PSMD2: variants seen among roughly 807,000 people sequenced by gnomAD.
PSMD2 encodes the protein 26S proteasome non-ATPase regulatory subunit 2.
In PSMD2, 8 loss-of-function variants were observed where a neutral mutation model predicts 101.5. The observed-to-expected ratio is 0.08, with a 90% CI of 0.05 to 0.14. The LOEUF is 0.14. PSMD2 is among the 10% of genes least tolerant of loss of function. The pLI is 1.00. For missense variants in PSMD2, 784 were observed against 1,147.4 expected (o/e 0.68, Z 4.58); for synonymous variants, 418 against 433.8 (o/e 0.96, Z 0.45).
intron 1 of PSMD2, 145 bp downstream of exon 1, chr3:184,299,546 C>A: frequency 9.1e-7 from 1 of 1,097,688 alleles, no homozygotes; most frequent in Non-Finnish European, 1.2e-6. Context: ...GGCACCTTGC[C>A]TCTCTGCTCC....
In PSMD2 at chr3:184,308,252, C is replaced by A. The variant is rs769466584; in HGVS notation, c.2426-197C>A. Reference sequence around the variant, plus strand: ...CTGCTCCTAAGTCACTGGGGAAATGCGATTTTCAAGTCTAAGGGCTGTAAG... The same window carrying A: ...CTGCTCCTAAGTCACTGGGGAAATGAGATTTTCAAGTCTAAGGGCTGTAAG... On this transcript the variant is annotated intron_variant, in intron 19 of 20. Transcript: ENST00000310118. The surrounding 1 kb of genome is among the most constrained non-coding windows in gnomAD (Gnocchi z 6.0). Among the ~76,000 whole-genome samples, 3 of 152,122 alleles carry A rather than the reference C, an allele frequency of 2.0e-5. No homozygotes were observed. The highest frequency in any genetic ancestry group is 1.3e-4 in the Admixed American group (2 of 15,272).
At position 184,303,936 on chromosome 3, in the gene PSMD2, G is replaced by T. The variant is rs774968324; in HGVS notation, c.1324-11G>T. The T allele has an allele frequency of 4.3e-6, 7 of 1,614,230 alleles. No individual in the cohort carries two copies. In the Middle Eastern group the frequency reaches 4.9e-4, roughly 114 times the overall value. On this transcript the variant is annotated splice_polypyrimidine_tract_variant and intron_variant, in intron 10 of 20. Coordinates refer to ENST00000310118, the MANE Select transcript of PSMD2 (RefSeq NM_002808.5). ...AGTATCCTGAGTGAAGAATCTGTTT[G>T]CTCTTTGTAGTCAGGAGCTCTTCTT...
Position 184,306,415 on chromosome 3 carries a change from GAGA to G in PSMD2, c.1873_1875del (p.Lys625del), listed in dbSNP as rs1489600746. The G allele has an allele frequency of 3.1e-6, 5 of 1,614,190 alleles. No homozygotes were observed. The highest frequency in any genetic ancestry group is 4.2e-6 in the Non-Finnish European group (5 of 1,180,030). ...TTGTAGCGAACACTTTGACTCCAAA[GAGA>G]AGGAGGAAGACAAAGACAAGAAGGA... On this transcript the variant is annotated inframe_deletion, in exon 15 of 21. Coordinates refer to ENST00000310118, the MANE Select transcript of PSMD2 (RefSeq NM_002808.5).
In PSMD2 at chr3:184,308,344, G is replaced by A. The variant is rs760260203; in HGVS notation, c.2426-105G>A. 8.8e-5 allele frequency: 83 copies of A among 943,390 alleles called. No homozygotes were observed. The highest frequency in any genetic ancestry group is 1.2e-4 in the Non-Finnish European group (73 of 621,238). The allele number at this position is 943,390 out of a possible 1,614,324, so 58.4% of individuals were successfully genotyped here. Reference sequence around the variant, plus strand: ...TGAGGGGAGGAGTGTGGATTCAGTCGTATGACTGACGGGTTAAAGGGTCAG... The same window carrying A: ...TGAGGGGAGGAGTGTGGATTCAGTCATATGACTGACGGGTTAAAGGGTCAG... On this transcript the variant is annotated intron_variant, in intron 19 of 20. Coordinates refer to ENST00000310118, the MANE Select transcript of PSMD2 (RefSeq NM_002808.5). The surrounding 1 kb of genome is among the most constrained non-coding windows in gnomAD (Gnocchi z 6.0).
intron 5 of PSMD2, 143 bp from the exon 6 acceptor site, chr3:184,302,227 T>C: frequency 8.7e-7 from 1 of 1,154,228 alleles, no homozygotes; most frequent in Non-Finnish European, 1.2e-6. Flanking sequence ...GACAGAGACT[T>C]TGTGTCTTCT....
chr3:184,304,250 T>C lies in PSMD2; in HGVS notation c.1452-54T>C, dbSNP rs548121409. 5 of 1,582,168 alleles carry C rather than the reference T, an allele frequency of 3.2e-6. No individual in the cohort carries two copies. The highest frequency in any genetic ancestry group is 1.7e-4 in the Middle Eastern group (1 of 6,012). On this transcript the variant is annotated intron_variant, in intron 11 of 20. Transcript: ENST00000310118. The surrounding 1 kb of genome is among the most constrained non-coding windows in gnomAD (Gnocchi z 4.1). The stretch of plus-strand genomic sequence containing the variant: ...ATGACCGATTCTCCTTTTGTTCTTT[T>C]CTTGCTGCATCGTTGGGTATGTGTT...
chr3:184,303,513 C>A, intron 9 of PSMD2, 47 bp downstream of exon 9: 1 of 1,608,294 alleles, frequency 6.2e-7, no homozygotes, highest in Non-Finnish European at 8.5e-7. Flanking sequence ...TTGATCACTT[C>A]TTTTGTCCTC....
At chr3:184,303,188 A>C (rs1388224156) in intron 8 of PSMD2, 126 bp downstream of exon 8, 1 of 1,498,874 alleles carries the variant, frequency 6.7e-7, no homozygotes, top group Non-Finnish European at 9.2e-7. Context: ...TTTTCAGGTC[A>C]CTGCTTGGGG....
At chr3:184,301,452 G>A (rs1316286540) in intron 3 of PSMD2, 85 bp from the exon 4 acceptor site, 16 of 1,524,258 alleles carry the variant, frequency 1.0e-5, no homozygotes, top group African/African-American at 1.4e-5. Flanking sequence ...GTTCAGTTTC[G>A]GAGACAATGA....
Position 184,304,227 on chromosome 3 carries a change from G to C in PSMD2, c.1452-77G>C. ...ATGTTTGTTGAAATGGTGAATGAAT[G>C]ACCGATTCTCCTTTTGTTCTTTTCT... is the stretch of plus-strand genomic sequence containing the variant. On this transcript the variant is annotated intron_variant, in intron 11 of 20. Coordinates refer to ENST00000310118, the MANE Select transcript of PSMD2 (RefSeq NM_002808.5). The surrounding 1 kb of genome is among the most constrained non-coding windows in gnomAD (Gnocchi z 4.1). 1 of 1,557,040 alleles carries C rather than the reference G, an allele frequency of 6.4e-7. No individual in the cohort carries two copies.
intron 6 of PSMD2, 31 bp from the exon 7 acceptor site, chr3:184,302,648 T>A: frequency 6.2e-7 from 1 of 1,613,772 alleles, no homozygotes; most frequent in South Asian, 1.1e-5. Context: ...TAGTGGACAG[T>A]GATGAGCAGA....
chr3:184,299,470 A>G (rs954905942), intron 1 of PSMD2, 69 bp downstream of exon 1: 1 of 1,310,206 alleles, frequency 7.6e-7, no homozygotes, highest in Non-Finnish European at 9.7e-7. Context: ...CGCAGGCCTC[A>G]GGCCCGACAC....
In PSMD2 at chr3:184,308,141, AC is replaced by A; in HGVS notation, c.2425+126del. The A allele has an allele frequency of 3.8e-6, 5 of 1,307,632 alleles. No individual in the cohort carries two copies. Among genetic ancestry groups the A allele is most frequent in the Non-Finnish European group, 5.2e-6 (5 of 963,544 alleles). The allele number at this position is 1,307,632 out of a possible 1,614,324, so 81.0% of individuals were successfully genotyped here. ...CTCTGTATCGCTCTAGGTTTCTGAG[AC>A]AGGCTTTGGGCCTGTGACATGAGAC... On this transcript the variant is annotated intron_variant, in intron 19 of 20. Coordinates refer to ENST00000310118, the MANE Select transcript of PSMD2 (RefSeq NM_002808.5). This position sits in a 1 kb window ranked among gnomAD's most constrained non-coding sequence, Gnocchi z 6.0.
At position 184,307,897 on chromosome 3, in the gene PSMD2, C is replaced by T. The variant is rs1366579837; in HGVS notation, c.2306C>T (p.Thr769Ile). 1.9e-6 allele frequency: 3 copies of T among 1,613,944 alleles called. No individual in the cohort carries two copies. The highest frequency in any genetic ancestry group is 2.5e-6 in the Non-Finnish European group (3 of 1,180,024). ...LFMVRLAQGL[T>I]HLGKGTLTLC... ...TCCCTCTGTTTTTTTCAGGGCCTGACACATTTAGGGAAGGGCACCCTTACC... is the reference window on the plus strand; with the variant it reads ...TCCCTCTGTTTTTTTCAGGGCCTGATACATTTAGGGAAGGGCACCCTTACC... Residue 769 changes from threonine to isoleucine, a missense_variant, in exon 19 of 21, where the codon ACA (threonine) becomes ATA (isoleucine). By Grantham distance (89) the Thr-to-Ile change is moderately conservative (BLOSUM62 -1). Around this residue, in one of 6 missense-constraint regions of PSMD2, gnomAD observed 282 missense variants for 437.6 expected, o/e 0.64. Transcript: ENST00000310118.
chr3:184,300,586 A>G, intron 3 of PSMD2, 142 bp downstream of exon 3: 1 of 1,438,042 alleles, frequency 7.0e-7, no homozygotes, highest in Non-Finnish European at 9.1e-7. Flanking sequence ...CAGTCAAAAT[A>G]TCTACAGAAG....
intron 3 of PSMD2, among the ~76,000 whole-genome samples, chr3:184,301,202 G>A (rs1239279163): frequency 6.6e-6 from 1 of 151,844 alleles, no homozygotes; most frequent in Non-Finnish European, 1.5e-5. Context: ...TGGGTGTGGT[G>A]GTGGGCGCCT....
intron 3 of PSMD2, 86 bp from the exon 4 acceptor site, chr3:184,301,451 C>T (rs1032514419): frequency 9.9e-6 from 15 of 1,518,130 alleles, no homozygotes; most frequent in East Asian, 4.6e-5. Flanking sequence ...AGTTCAGTTT[C>T]GGAGACAATG....
In PSMD2 at chr3:184,303,067, GT is replaced by G; in HGVS notation, c.1069+6del. On this transcript the variant is annotated splice_donor_region_variant and intron_variant, in intron 8 of 20. Transcript: ENST00000310118. ...AAACCCACCTAGAGAACAACAGTGA[GT>G]AGCCCTCTCTGTGTATGGGATTTGG... 1 of 1,613,230 alleles carries G rather than the reference GT, an allele frequency of 6.2e-7. No homozygotes were observed. Among genetic ancestry groups the G allele is most frequent in the Non-Finnish European group, 8.5e-7 (1 of 1,179,214 alleles).
Position 184,302,044 on chromosome 3 carries a change from A to G in PSMD2, c.677A>G (p.Tyr226Cys), listed in dbSNP as rs990768776. 1.2e-6 allele frequency: 2 copies of G among 1,614,190 alleles called. No individual in the cohort carries two copies. The change falls in exon 5 of 21, where the codon TAT (tyrosine) becomes TGT (cysteine). Residue 226 changes from tyrosine to cysteine, a missense_variant. By Grantham distance (194) the Tyr-to-Cys change is radical. Coordinates refer to ENST00000310118, the MANE Select transcript of PSMD2 (RefSeq NM_002808.5). The stretch of plus-strand genomic sequence containing the variant: ...GAGAAGGACATTGATGAAAATGCAT[A>G]TGCAAAGGTCTGCCTTTATCTCACC... ...MLEKDIDENA[Y>C]AKVCLYLTSC...
Sources: gnomAD v4.1 joint callset for allele counts (sites outside exome capture counted in the v4.1 genomes callset) on GRCh38, gnomAD v4.1.1 for gene constraint, gnomAD v4.1.1 regional missense constraint, Gnocchi (gnomAD v3.1) non-coding constraint, MANE v1.5 for transcripts, NCBI Gene and HGNC (gene_info 2026-07-23, HGNC 2026-07-21) for gene names.